SHISA9: variants seen among roughly 807,000 people sequenced by gnomAD.
The protein encoded by SHISA9 is protein shisa-9.
In SHISA9, 13 loss-of-function variants were observed where a neutral mutation model predicts 38.0. The observed-to-expected ratio is 0.34, with a 90% CI of 0.22 to 0.54. The LOEUF (loss-of-function observed/expected upper bound fraction) is 0.54. SHISA9 is among the 20% of genes least tolerant of loss of function. The pLI, the probability that SHISA9 is intolerant of heterozygous loss-of-function variation, is 0.91. For synonymous variants in SHISA9, 275 were observed against 242.0 expected (o/e 1.14, Z -1.27); for missense variants, 538 against 575.8 (o/e 0.93, Z 0.67).
the SHISA9 span, among the ~76,000 whole-genome samples, chr16:13,401,696 A>G: frequency 1.9e-4 from 29 of 152,334 alleles, no homozygotes; most frequent in East Asian, 5.6e-3. Context: ...CCAGTGACCA[A>G]ATTGTCTGGC....
At chr16:12,950,111 C>G (rs992165462) in intron 2 of SHISA9, among the ~76,000 whole-genome samples, 2 of 152,182 alleles carry the variant, frequency 1.3e-5, no homozygotes, top group East Asian at 1.9e-4. Flanking sequence ...CAGGTGAGAA[C>G]GTGCAATAAT....
At chr16:13,298,636 GCTT>G in the SHISA9 span, among the ~76,000 whole-genome samples, 1 of 152,184 alleles carries the variant, frequency 6.6e-6, no homozygotes, top group African/African-American at 2.4e-5. Flanking sequence ...TAGGGCTTGA[GCTT>G]CTTCATCACC....
chr16:12,971,737 T>C (rs62027183), intron 2 of SHISA9, among the ~76,000 whole-genome samples: 21,977 of 152,164 alleles, frequency 0.14, 1,724 homozygotes, highest in East Asian at 0.3. Flanking sequence ...GGTGGATCTT[T>C]GGTGCAATTC....
chr16:13,385,266 G>T, the SHISA9 span, among the ~76,000 whole-genome samples: 3 of 152,206 alleles, frequency 2.0e-5, no homozygotes, highest in Non-Finnish European at 4.4e-5. Context: ...AATTAAACCT[G>T]CAAGAATCAG....
chr16:12,932,215 T>C (rs914943036), intron 2 of SHISA9, among the ~76,000 whole-genome samples: 5 of 152,212 alleles, frequency 3.3e-5, no homozygotes, highest in Admixed American at 6.5e-5. Context: ...ATTAGCAGCA[T>C]GAGAACAGAC....
the SHISA9 span, among the ~76,000 whole-genome samples, chr16:13,452,820 T>TG: frequency 6.6e-6 from 1 of 151,748 alleles, no homozygotes. Context: ...TCTGATCTTC[T>TG]GCTTGAGCTG....
chr16:12,942,938 C>A (rs1052094817), intron 2 of SHISA9, among the ~76,000 whole-genome samples: 5 of 152,094 alleles, frequency 3.3e-5, no homozygotes, highest in Non-Finnish European at 5.9e-5. Context: ...ATGGCTCTAT[C>A]TCTAGATTTT....
the SHISA9 span, among the ~76,000 whole-genome samples, chr16:13,381,749 G>A: frequency 3.4e-4 from 52 of 152,174 alleles, no homozygotes; most frequent in Non-Finnish European, 5.9e-4. Context: ...GTGTATAGAA[G>A]AAATAGCAAG....
chr16:13,086,010 A>G (rs916004070), intron 2 of SHISA9, among the ~76,000 whole-genome samples: 1 of 152,238 alleles, frequency 6.6e-6, no homozygotes, highest in African/African-American at 2.4e-5. Flanking sequence ...TATTGTTTAA[A>G]GAAAAAAACA....
At chr16:13,265,853 T>G in the SHISA9 span, among the ~76,000 whole-genome samples, 1 of 152,234 alleles carries the variant, frequency 6.6e-6, no homozygotes, top group Non-Finnish European at 1.5e-5. Context: ...GAGCATTTTG[T>G]TTTTAAAAGA....
chr16:13,126,913 AGAGACTGAGGGAAG>A (rs1420880464), intron 2 of SHISA9, among the ~76,000 whole-genome samples: 3 of 140,838 alleles, frequency 2.1e-5, no homozygotes, highest in Non-Finnish European at 4.6e-5. Flanking sequence ...GGAGAGAGAG[AGAGACTGAGGGAAG>A]GAGAGAGGGA....
At chr16:13,209,522 T>A (rs137861733) in intron 3 of SHISA9, among the ~76,000 whole-genome samples, 1 of 152,342 alleles carries the variant, frequency 6.6e-6, no homozygotes, top group East Asian at 1.9e-4. Flanking sequence ...TACTGTAATG[T>A]TAGCCATCAG....
At chr16:13,462,464 A>G in the SHISA9 span, among the ~76,000 whole-genome samples, 34,087 of 152,018 alleles carry the variant, frequency 0.22, 4,393 homozygotes, top group East Asian at 0.57. Context: ...ATTTCAGAGG[A>G]TATTATGTCT....
intron 2 of SHISA9, among the ~76,000 whole-genome samples, chr16:13,027,933 C>CAAAAAAA (rs1240201539): frequency 4.3e-4 from 45 of 103,626 alleles, no homozygotes; most frequent in East Asian, 1.6e-3. Flanking sequence ...GTCTCAAAAA[C>CAAAAAAA]AAAAAAAAAA....
chr16:13,287,554 G>A, the SHISA9 span, among the ~76,000 whole-genome samples: 1 of 152,180 alleles, frequency 6.6e-6, no homozygotes, highest in African/African-American at 2.4e-5. Context: ...CAAAAGAATT[G>A]TAAGTCGATC....
At chr16:13,072,934 TAC>T (rs2073535755) in intron 2 of SHISA9, among the ~76,000 whole-genome samples, 3 of 152,340 alleles carry the variant, frequency 2.0e-5, no homozygotes, top group Admixed American at 2.0e-4. Context: ...TTGCTGGGAT[TAC>T]AGGTGTGAGC....
At chr16:13,539,587 T>G in the SHISA9 span, among the ~76,000 whole-genome samples, 1 of 152,096 alleles carries the variant, frequency 6.6e-6, no homozygotes, top group African/African-American at 2.4e-5. Flanking sequence ...AATCATGATT[T>G]GGTTTGATTT....
intron 2 of SHISA9, among the ~76,000 whole-genome samples, chr16:12,975,478 G>A (rs553547387): frequency 3.3e-5 from 5 of 152,032 alleles, no homozygotes; most frequent in Non-Finnish European, 5.9e-5. Flanking sequence ...ACTCCAGCCC[G>A]GGCAACAGAG....
the SHISA9 span, among the ~76,000 whole-genome samples, chr16:13,434,795 A>G: frequency 6.6e-6 from 1 of 152,200 alleles, no homozygotes; most frequent in African/African-American, 2.4e-5. Flanking sequence ...GAATAAATGA[A>G]TAGGAGAGGA....
Sources: allele counts gnomAD v4.1 joint callset (sites outside exome capture counted in the v4.1 genomes callset), GRCh38; gene constraint gnomAD v4.1.1; transcripts MANE v1.5; gene names NCBI Gene and HGNC (gene_info 2026-07-23, HGNC 2026-07-21).